LIMK1: variants seen among roughly 807,000 people sequenced by gnomAD.
LIMK1 encodes the protein LIM motif-containing protein kinase.
Under a neutral mutation model 77.6 loss-of-function variants are expected in LIMK1, and 21 were observed. The ratio of observed to expected loss-of-function variants is 0.27; its 90% CI spans 0.19 to 0.39. The LOEUF (loss-of-function observed/expected upper bound fraction) is 0.39, where lower values mean the gene tolerates loss of function less well. Among genes scored for constraint, LIMK1 ranks in the 10% least tolerant of loss-of-function variants. The pLI is 1.00. For missense variants in LIMK1, 696 were observed against 901.6 expected (o/e 0.77, Z 2.92); for synonymous variants, 358 against 370.0 (o/e 0.97, Z 0.37).
chr7:74,090,904 G>A (rs969065408), intron 2 of LIMK1, among the ~76,000 whole-genome samples: 1 of 152,082 alleles, frequency 6.6e-6, no homozygotes, highest in Non-Finnish European at 1.5e-5. Context: ...CCAGTAAGGG[G>A]GTGCTATTTA....
chr7:74,086,833 A>C (rs1442264716), intron 2 of LIMK1, among the ~76,000 whole-genome samples: 1 of 152,144 alleles, frequency 6.6e-6, no homozygotes, highest in Non-Finnish European at 1.5e-5. Flanking sequence ...GAGGGAAGAC[A>C]AACCAGGCCT....
Position 74,121,322 on chromosome 7 carries a change from C to T in LIMK1, c.*21C>T. On this transcript the variant is annotated 3_prime_UTR_variant, in exon 16 of 16. Coordinates refer to ENST00000336180, the MANE Select transcript of LIMK1 (RefSeq NM_002314.4). ...ACTGAGCCAGGGCCACTCAGCTGCC[C>T]CTGTCCCCACCTCTGGAGAATCCAC... 6.4e-7 allele frequency: 1 copy of T among 1,550,766 alleles called. No homozygotes were observed. Among genetic ancestry groups the T allele is most frequent in the African/African-American group, 1.4e-5 (1 of 73,674 alleles).
At chr7:74,099,364 C>A in intron 5 of LIMK1, 126 bp downstream of exon 5, 2 of 878,062 alleles carry the variant, frequency 2.3e-6, no homozygotes, top group Middle Eastern at 3.6e-4. Flanking sequence ...GGGCCCAGTT[C>A]TGACAACCTG....
Position 74,121,157 on chromosome 7 carries a change from G to C in LIMK1, c.1800G>C (p.Leu600=). ...DPEKRPSFVK[L]EHWLETLRMH... Reference sequence around the variant, plus strand: ...CACCCAGGCCATCCTTTGTGAAGCTGGAACACTGGCTGGAGACCCTCCGCA... The same window carrying C: ...CACCCAGGCCATCCTTTGTGAAGCTCGAACACTGGCTGGAGACCCTCCGCA... Residue 600 remains leucine (L), a synonymous_variant, in exon 16 of 16, where the codon CTG becomes CTC. Coordinates refer to ENST00000336180, the MANE Select transcript of LIMK1 (RefSeq NM_002314.4). 3 of 1,613,670 alleles carry C rather than the reference G, an allele frequency of 1.9e-6. No homozygotes were observed. Among genetic ancestry groups the C allele is most frequent in the Non-Finnish European group, 2.5e-6 (3 of 1,179,794 alleles).
Position 74,120,596 on chromosome 7 carries a change from T to C in LIMK1, c.1581T>C (p.Asp527=), listed in dbSNP as rs782244921. The stretch of plus-strand genomic sequence containing the variant: ...CTCTTTATCCAGGCCGCAGCTATGA[T>C]GAGAAGGTGGATGTGTTCTCCTTTG... ...APEMINGRSY[D]EKVDVFSFGI... The change falls in exon 14 of 16, where the codon GAT becomes GAC. Residue 527 remains aspartate (D), a synonymous_variant. Coordinates refer to ENST00000336180, the MANE Select transcript of LIMK1 (RefSeq NM_002314.4). 12 of 1,613,140 alleles carry C rather than the reference T, an allele frequency of 7.4e-6. No individual in the cohort carries two copies. The African/African-American group carries it at 1.5e-4, about 20-fold the overall frequency.
chr7:74,108,252 C>G (rs1044204019), intron 9 of LIMK1, among the ~76,000 whole-genome samples: 1 of 151,894 alleles, frequency 6.6e-6, no homozygotes, highest in African/African-American at 2.4e-5. Flanking sequence ...GTGGGAGGCT[C>G]GCTTGAGCCC....
At chr7:74,099,480 C>T (rs1027317299) in intron 5 of LIMK1, among the ~76,000 whole-genome samples, 1 of 152,166 alleles carries the variant, frequency 6.6e-6, no homozygotes, top group Admixed American at 6.5e-5. Context: ...CCTGTAATCT[C>T]AGCACTTCGG....
At chr7:74,102,522 C>T (rs1799487253) in intron 5 of LIMK1, among the ~76,000 whole-genome samples, 1 of 34,810 alleles carries the variant, frequency 2.9e-5, no homozygotes, top group South Asian at 9.9e-4. Context: ...GTATCACTGT[C>T]ATTGAGGCTG....
chr7:74,105,332 T>C (rs1799545225), intron 5 of LIMK1, among the ~76,000 whole-genome samples: 1 of 151,862 alleles, frequency 6.6e-6, no homozygotes, highest in South Asian at 2.1e-4. Flanking sequence ...AAATGTGGTG[T>C]AACCCCGTCT....
chr7:74,103,418 T>C (rs1799507169), intron 5 of LIMK1, among the ~76,000 whole-genome samples: 1 of 152,134 alleles, frequency 6.6e-6, no homozygotes, highest in South Asian at 2.1e-4. Flanking sequence ...TGATGTTTCC[T>C]CTTAGGGAGA....
chr7:74,104,911 C>G (rs1398952349), intron 5 of LIMK1, among the ~76,000 whole-genome samples: 15 of 152,084 alleles, frequency 9.9e-5, no homozygotes, highest in South Asian at 2.1e-4. Flanking sequence ...CTCATCTGCC[C>G]CAAGCATACC....
intron 2 of LIMK1, among the ~76,000 whole-genome samples, chr7:74,088,088 T>G (rs1799167354): frequency 6.6e-6 from 1 of 152,194 alleles, no homozygotes; most frequent in Non-Finnish European, 1.5e-5. Flanking sequence ...TTTTTCTTTT[T>G]TAGGAATAAC....
chr7:74,120,209 T>C (rs890395438), intron 13 of LIMK1, among the ~76,000 whole-genome samples: 1 of 152,190 alleles, frequency 6.6e-6, no homozygotes, highest in African/African-American at 2.4e-5. Flanking sequence ...CTCCAGATCC[T>C]TAACTTAATC....
intron 2 of LIMK1, among the ~76,000 whole-genome samples, chr7:74,090,009 C>G (rs1000614766): frequency 1.3e-5 from 2 of 152,012 alleles, no homozygotes; most frequent in Non-Finnish European, 2.9e-5. Context: ...AATCACTCAC[C>G]AGGAGAGGGG....
chr7:74,099,497 G>A (rs1261834880), intron 5 of LIMK1, among the ~76,000 whole-genome samples: 3 of 151,914 alleles, frequency 2.0e-5, no homozygotes, highest in East Asian at 1.9e-4. Flanking sequence ...TCGGGAGGCC[G>A]AAGTGGGTGG....
intron 1 of LIMK1, 85 bp from the exon 2 acceptor site, chr7:74,085,663 T>G: frequency 1.0e-6 from 1 of 994,306 alleles, no homozygotes; most frequent in Non-Finnish European, 1.5e-6. Context: ...CAGGTGTAGG[T>G]ATATGTGGGG....
chr7:74,115,973 C>T lies in LIMK1; in HGVS notation c.1567+15C>T. ...GATGATCAACGGTGAGTGGTTCAGC[C>T]CTGCCCATCATGGCCCTCACGGGAA... On this transcript the variant is annotated intron_variant, in intron 13 of 15. Transcript: ENST00000336180. 1.2e-6 allele frequency: 2 copies of T among 1,607,736 alleles called. No individual in the cohort carries two copies. Among genetic ancestry groups the T allele is most frequent in the South Asian group, 1.1e-5 (1 of 90,882 alleles).
At chr7:74,115,550 G>A (rs187567963) in intron 12 of LIMK1, 88 of 454,606 alleles carry the variant, frequency 1.9e-4, no homozygotes, top group African/African-American at 1.6e-3. Context: ...AGCAGGTGGG[G>A]AGGGGGCAGA....
chr7:74,093,944 G>C (rs1477972371), intron 2 of LIMK1: 4 of 148,884 alleles, frequency 2.7e-5, no homozygotes, highest in Non-Finnish European at 6.0e-5. Flanking sequence ...CAGGAACTCC[G>C]GCGTGCTCTC....
Sources: gnomAD v4.1 joint callset for allele counts (sites outside exome capture counted in the v4.1 genomes callset) on GRCh38, gnomAD v4.1.1 for gene constraint, MANE v1.5 for transcripts, NCBI Gene and HGNC (gene_info 2026-07-23, HGNC 2026-07-21) for gene names.